The following GRM8 variants were observed in gnomAD, a reference collection of about 807,000 sequenced individuals.
GRM8 encodes metabotropic glutamate receptor 8.
In GRM8, 47 loss-of-function variants were observed where a neutral mutation model predicts 87.2. That is an observed-to-expected ratio of 0.54 (90% confidence interval 0.43 to 0.69). GRM8 has a LOEUF of 0.69. GRM8 is among the 30% of genes least tolerant of loss of function. The pLI is 0.00. For missense variants in GRM8, 1,019 were observed against 1,139.2 expected, an observed-to-expected ratio of 0.89 and a Z score of 1.52; for synonymous variants, 396 against 404.5, an observed-to-expected ratio of 0.98 and a Z score of 0.25.
chr7:127,022,917 G>A (rs1477516075), intron 3 of GRM8, among the ~76,000 whole-genome samples: 1 of 151,992 alleles, frequency 6.6e-6, no homozygotes, highest in East Asian at 1.9e-4. Context: ...TCTATATTAT[G>A]AGAACATGTT....
At chr7:127,246,616 A>G (rs1266182682) in intron 1 of GRM8, among the ~76,000 whole-genome samples, 2 of 152,118 alleles carry the variant, frequency 1.3e-5, no homozygotes, top group Non-Finnish European at 2.9e-5. Context: ...TACAGGGCAC[A>G]TCATACATCA....
At chr7:126,951,980 C>T (rs1167901595) in intron 3 of GRM8, among the ~76,000 whole-genome samples, 1 of 151,054 alleles carries the variant, frequency 6.6e-6, no homozygotes, top group Admixed American at 6.6e-5. Flanking sequence ...GCACATCTAG[C>T]ATGAAGATCT....
At chr7:126,994,045 A>G (rs10265258) in intron 3 of GRM8, among the ~76,000 whole-genome samples, 91,743 of 151,992 alleles carry the variant, frequency 0.6, 27,886 homozygotes, top group African/African-American at 0.65. Flanking sequence ...TCCCACAACC[A>G]CAGGCAGGAA....
At chr7:126,813,012 G>A (rs991361968) in intron 6 of GRM8, among the ~76,000 whole-genome samples, 1 of 151,904 alleles carries the variant, frequency 6.6e-6, no homozygotes, top group Non-Finnish European at 1.5e-5. Flanking sequence ...TGCCTACCAG[G>A]GGTTGTAGGG....
chr7:126,689,858 A>G lies in GRM8; in HGVS notation c.1357+80007T>C, dbSNP rs1323690553. On this transcript the variant is annotated intron_variant, in intron 7 of 10. Transcript: ENST00000339582. ...ATTGTTCTTATGCTACTGGACTCAG[A>G]GAGGCTATATGTTTCTATTACAGTA... Among the ~76,000 whole-genome samples the G allele has an allele frequency of 2.0e-5, 3 of 152,186 alleles. No individual in the cohort carries two copies. In the East Asian group the frequency reaches 5.8e-4, roughly 29 times the overall value.
chr7:126,562,090 C>A (rs963965016), intron 8 of GRM8, among the ~76,000 whole-genome samples: 2 of 151,950 alleles, frequency 1.3e-5, no homozygotes, highest in East Asian at 3.9e-4. Flanking sequence ...TTCCCCTATA[C>A]CCTGATATCT....
chr7:126,526,828 T>C lies in GRM8; in HGVS notation c.2430+6124A>G, dbSNP rs886981077. Reference sequence around the variant, plus strand: ...TGTGCCCTACATGAGAATTCCATGCTTCCTCTGAATCTTCACAAGCATATC... The same window carrying C: ...TGTGCCCTACATGAGAATTCCATGCCTCCTCTGAATCTTCACAAGCATATC... On this transcript the variant is annotated intron_variant, in intron 9 of 10. Coordinates refer to ENST00000339582, the MANE Select transcript of GRM8 (RefSeq NM_000845.3). 2.0e-5 allele frequency among the ~76,000 whole-genome samples: 3 copies of C among 152,356 alleles called. No homozygotes were observed. The East Asian group carries it at 5.8e-4, about 29-fold the overall frequency.
intron 7 of GRM8, among the ~76,000 whole-genome samples, chr7:126,727,399 T>G (rs1447419733): frequency 6.6e-6 from 1 of 152,054 alleles, no homozygotes; most frequent in Non-Finnish European, 1.5e-5. Flanking sequence ...TTAAATATAG[T>G]ATATGACTAC....
At chr7:126,709,652 C>T (rs1319331765) in intron 7 of GRM8, among the ~76,000 whole-genome samples, 1 of 152,044 alleles carries the variant, frequency 6.6e-6, no homozygotes, top group African/African-American at 2.4e-5. Context: ...ACCATATGAA[C>T]CAGCAATCCC....
chr7:126,908,286 G>A (rs1802919010), intron 3 of GRM8, among the ~76,000 whole-genome samples: 2 of 152,294 alleles, frequency 1.3e-5, no homozygotes, highest in East Asian at 1.9e-4. Context: ...GGAGAAGGAG[G>A]AAAGGAGTGA....
intron 3 of GRM8, among the ~76,000 whole-genome samples, chr7:126,970,243 A>G (rs1316604609): frequency 6.6e-6 from 1 of 152,074 alleles, no homozygotes; most frequent in Non-Finnish European, 1.5e-5. Context: ...GCCAGCATTG[A>G]CTTCTCCTCC....
intron 9 of GRM8, among the ~76,000 whole-genome samples, chr7:126,520,427 T>G (rs1812810101): frequency 6.6e-6 from 1 of 152,104 alleles, no homozygotes; most frequent in Non-Finnish European, 1.5e-5. Context: ...TTGGATTGTT[T>G]TAGTTCACAT....
intron 7 of GRM8, among the ~76,000 whole-genome samples, chr7:126,680,154 A>G (rs1028026960): frequency 1.6e-4 from 24 of 152,284 alleles, no homozygotes; most frequent in African/African-American, 5.8e-4. Context: ...CATGAGTGGC[A>G]TATCTCTGCT....
At chr7:127,081,529 C>T (rs931135088) in intron 3 of GRM8, among the ~76,000 whole-genome samples, 1 of 152,130 alleles carries the variant, frequency 6.6e-6, no homozygotes, top group Non-Finnish European at 1.5e-5. Flanking sequence ...TGAGTTAATG[C>T]CTGTCTCTCT....
At chr7:126,440,987 C>T (rs1801408513) in intron 10 of GRM8, among the ~76,000 whole-genome samples, 1 of 151,928 alleles carries the variant, frequency 6.6e-6, no homozygotes, top group African/African-American at 2.4e-5. Flanking sequence ...TTTACATTTG[C>T]ACATATGTAA....
intron 3 of GRM8, among the ~76,000 whole-genome samples, chr7:127,093,040 G>C (rs1180313807): frequency 6.6e-6 from 1 of 152,176 alleles, no homozygotes; most frequent in Non-Finnish European, 1.5e-5. Context: ...CCCTCAGCAT[G>C]CCACAGACAC....
intron 7 of GRM8, among the ~76,000 whole-genome samples, chr7:126,742,273 T>C (rs983803535): frequency 1.3e-5 from 2 of 151,998 alleles, no homozygotes; most frequent in East Asian, 3.9e-4. Flanking sequence ...GTTTAAACCT[T>C]ATTCTCACAT....
chr7:126,674,573 T>C (rs1050989964), intron 7 of GRM8, among the ~76,000 whole-genome samples: 1 of 152,100 alleles, frequency 6.6e-6, no homozygotes, highest in Admixed American at 6.5e-5. Context: ...GTCTTGGCAT[T>C]CAAGAACTCA....
chr7:126,562,526 T>C (rs1793814787), intron 8 of GRM8, among the ~76,000 whole-genome samples: 1 of 152,196 alleles, frequency 6.6e-6, no homozygotes, highest in African/African-American at 2.4e-5. Flanking sequence ...GTAAATTAAA[T>C]AAGAAGTTTC....
Sources: allele counts gnomAD v4.1 joint callset (sites outside exome capture counted in the v4.1 genomes callset), GRCh38; gene constraint gnomAD v4.1.1; transcripts MANE v1.5; gene names NCBI Gene and HGNC (gene_info 2026-07-23, HGNC 2026-07-21).